The following LRP1B variants were observed in gnomAD, a reference collection of about 807,000 sequenced individuals.
LRP1B encodes the protein LDL receptor related protein 1B.
In LRP1B, 217 loss-of-function variants were observed where a neutral mutation model predicts 556.6. The ratio of observed to expected loss-of-function variants is 0.39; its 90% CI spans 0.35 to 0.44. The LOEUF (loss-of-function observed/expected upper bound fraction) is 0.44, where lower values mean the gene tolerates loss of function less well. Ranked by LOEUF, LRP1B falls within the 20% of genes least tolerant of loss-of-function variation. The pLI, the probability that LRP1B is intolerant of heterozygous loss-of-function variation, is 1.00. For synonymous variants in LRP1B, 2,047 were observed against 1,865.8 expected (o/e 1.10, Z -2.50); for missense variants, 5,053 against 5,620.8 (o/e 0.90, Z 3.23).
At chr2:141,666,874 A>G (rs570551637) in intron 2 of LRP1B, among the ~76,000 whole-genome samples, 3 of 152,308 alleles carry the variant, frequency 2.0e-5, no homozygotes, top group Non-Finnish European at 4.4e-5. Context: ...ACCTTGGTAC[A>G]GTTTTCTTCA....
At chr2:141,430,346 C>T (rs12105292) in intron 3 of LRP1B, among the ~76,000 whole-genome samples, 69,702 of 151,804 alleles carry the variant, frequency 0.46, 16,147 homozygotes, top group South Asian at 0.6. Flanking sequence ...TAAACAGTAG[C>T]TCATAAGACA....
At chr2:141,003,621 A>G (rs1354114308) in intron 15 of LRP1B, among the ~76,000 whole-genome samples, 1 of 151,982 alleles carries the variant, frequency 6.6e-6, no homozygotes, top group African/African-American at 2.4e-5. Flanking sequence ...TCCATGTAAG[A>G]TGTGACTTGC....
chr2:140,493,732 T>C (rs1304327097), intron 56 of LRP1B, among the ~76,000 whole-genome samples: 5 of 152,230 alleles, frequency 3.3e-5, no homozygotes, highest in African/African-American at 1.2e-4. Context: ...TTGTCCTTTT[T>C]AAATTGTTTG....
chr2:141,725,273 A>G (rs1253956467), intron 2 of LRP1B, among the ~76,000 whole-genome samples: 2 of 151,928 alleles, frequency 1.3e-5, no homozygotes, highest in Non-Finnish European at 2.9e-5. Context: ...TTTAAAGTAA[A>G]CTATAAATAA....
chr2:140,541,958 G>A lies in LRP1B; in HGVS notation c.7208C>T (p.Ser2403Phe), dbSNP rs2105021206. 1 of 1,600,350 alleles carries A rather than the reference G, an allele frequency of 6.2e-7. No individual in the cohort carries two copies. The highest frequency in any genetic ancestry group is 1.1e-5 in the South Asian group (1 of 88,750). The stretch of plus-strand genomic sequence containing the variant: ...CAAACTGAGGAAAGTCCCTGGCCCA[G>A]ATTTAACTATCACCTGAAATAAATT... ...DGSQRHVIVKSGPGTFLSLAV... is the reference protein window; with the variant it reads ...DGSQRHVIVKFGPGTFLSLAV... The change falls in exon 44 of 91, where the codon TCT becomes TTT. Residue 2403 changes from serine (S) to phenylalanine (F), a missense_variant. Coordinates refer to ENST00000389484, the MANE Select transcript of LRP1B (RefSeq NM_018557.3).
intron 1 of LRP1B, among the ~76,000 whole-genome samples, chr2:141,913,398 TA>T (rs1422891922): frequency 6.6e-6 from 1 of 152,170 alleles, no homozygotes; most frequent in Non-Finnish European, 1.5e-5. Context: ...TTTCTTACTC[TA>T]AAAATCTATA....
intron 7 of LRP1B, among the ~76,000 whole-genome samples, chr2:141,120,516 T>A (rs60708597): frequency 0.045 from 6,879 of 152,004 alleles, 233 homozygotes; most frequent in African/African-American, 0.097. Flanking sequence ...AGATATATTA[T>A]GATTATATCA....
intron 7 of LRP1B, among the ~76,000 whole-genome samples, chr2:141,151,109 A>G (rs758437526): frequency 6.6e-6 from 1 of 152,206 alleles, no homozygotes; most frequent in Non-Finnish European, 1.5e-5. Flanking sequence ...TGTTGCAGTA[A>G]CAAAGAACTT....
At chr2:141,609,868 A>G (rs6711361) in intron 2 of LRP1B, among the ~76,000 whole-genome samples, 3 of 152,168 alleles carry the variant, frequency 2.0e-5, no homozygotes, top group Non-Finnish European at 4.4e-5. Flanking sequence ...TAGAAAGAGT[A>G]TATGTTAAAA....
chr2:142,037,592 T>C (rs1703926937), intron 1 of LRP1B, among the ~76,000 whole-genome samples: 1 of 151,536 alleles, frequency 6.6e-6, no homozygotes, highest in Admixed American at 6.6e-5. Context: ...TCCTTACAAT[T>C]AAAAGATGGG....
intron 12 of LRP1B, among the ~76,000 whole-genome samples, chr2:141,017,132 T>C (rs995705668): frequency 6.6e-6 from 1 of 152,132 alleles, no homozygotes; most frequent in African/African-American, 2.4e-5. Flanking sequence ...TTCTATATTG[T>C]ATCTTGTAAT....
intron 47 of LRP1B, among the ~76,000 whole-genome samples, chr2:140,529,696 T>A (rs910009885): frequency 7.2e-5 from 11 of 152,114 alleles, no homozygotes; most frequent in African/African-American, 2.4e-4. Context: ...TAGTTCCCAG[T>A]CTACCTAAAA....
chr2:140,521,784 G>T (rs1253286800), intron 49 of LRP1B, among the ~76,000 whole-genome samples: 1 of 151,984 alleles, frequency 6.6e-6, no homozygotes, highest in Non-Finnish European at 1.5e-5. Context: ...AGATCTATCT[G>T]ACATAATGAC....
intron 1 of LRP1B, among the ~76,000 whole-genome samples, chr2:142,005,006 T>C (rs1481823572): frequency 6.7e-6 from 1 of 148,360 alleles, no homozygotes; most frequent in Non-Finnish European, 1.5e-5. Flanking sequence ...ATATTTAGTA[T>C]TATAGATATT....
At chr2:141,729,520 T>A (rs1693188559) in intron 2 of LRP1B, among the ~76,000 whole-genome samples, 1 of 152,036 alleles carries the variant, frequency 6.6e-6, no homozygotes, top group African/African-American at 2.4e-5. Context: ...AGACTGTACA[T>A]TAGTGGAAGT....
intron 2 of LRP1B, among the ~76,000 whole-genome samples, chr2:141,738,379 T>G (rs1200913314): frequency 8.5e-5 from 13 of 152,132 alleles, no homozygotes; most frequent in African/African-American, 3.1e-4. Context: ...ACATACACAA[T>G]GCAGTGCTCC....
intron 2 of LRP1B, among the ~76,000 whole-genome samples, chr2:141,671,829 T>TC (rs922755573): frequency 4.0e-5 from 6 of 151,864 alleles, no homozygotes; most frequent in African/African-American, 1.5e-4. Flanking sequence ...CAAACTTTTT[T>TC]TTTTTTTCAC....
intron 23 of LRP1B, among the ~76,000 whole-genome samples, chr2:140,886,644 A>T (rs1693644740): frequency 6.6e-6 from 1 of 151,798 alleles, no homozygotes; most frequent in Admixed American, 6.6e-5. Context: ...TTAGAATTTC[A>T]GCTGACAACT....
At chr2:141,775,956 C>T (rs1167103920) in intron 2 of LRP1B, among the ~76,000 whole-genome samples, 1 of 151,828 alleles carries the variant, frequency 6.6e-6, no homozygotes, top group Non-Finnish European at 1.5e-5. Flanking sequence ...CATTCTCCTG[C>T]CTCAGCCTCC....
Sources: allele counts gnomAD v4.1 joint callset (sites outside exome capture counted in the v4.1 genomes callset), GRCh38; gene constraint gnomAD v4.1.1; transcripts MANE v1.5; gene names NCBI Gene and HGNC (gene_info 2026-07-23, HGNC 2026-07-21).